The following SNX29 variants were observed in gnomAD, a reference collection of about 807,000 sequenced individuals.
SNX29 encodes the protein sorting nexin-29.
In SNX29, 78 loss-of-function variants were observed where a neutral mutation model predicts 102.1. The observed-to-expected ratio is 0.76, with a 90% CI of 0.64 to 0.92. The LOEUF (loss-of-function observed/expected upper bound fraction) is 0.92, where lower values mean the gene tolerates loss of function less well. Ranked by LOEUF, SNX29 falls within the 40% of genes least tolerant of loss-of-function variation. The pLI is 0.00. For synonymous variants in SNX29, 580 were observed against 414.5 expected (o/e 1.40, Z -4.85); for missense variants, 1,280 against 1,061.7 (o/e 1.21, Z -2.86).
At chr16:12,504,201 T>G (rs995855921) in intron 19 of SNX29, among the ~76,000 whole-genome samples, 2 of 152,224 alleles carry the variant, frequency 1.3e-5, no homozygotes, top group African/African-American at 4.8e-5. Flanking sequence ...TTTTCAAGGG[T>G]CTGTCCTGTT....
At chr16:12,442,993 A>G (rs1210071204) in intron 18 of SNX29, 1 of 455,656 alleles carries the variant, frequency 2.2e-6, no homozygotes, top group Non-Finnish European at 4.4e-6. Context: ...ATTTTTTTCC[A>G]GCTATTTAAA....
At position 12,572,467 on chromosome 16, in the gene SNX29, C is replaced by T. The variant is rs1384275203; in HGVS notation, c.*3838C>T. The T allele has an allele frequency of 8.5e-6, 9 of 1,063,646 alleles. No individual in the cohort carries two copies. Among genetic ancestry groups the T allele is most frequent in the Non-Finnish European group, 8.0e-6 (7 of 878,328 alleles). 65.9% of individuals were successfully genotyped at this position (1,063,646 alleles called of 1,614,324 possible). A position where few individuals can be genotyped will look rare whatever the true frequency, so the allele number is the denominator to read the frequency against. The stretch of plus-strand genomic sequence containing the variant: ...GTTCTGCATGGTACATTTTGCCAAC[C>T]CTGAGGACCAGTTCTTGGGGTTCCA... On this transcript the variant is annotated 3_prime_UTR_variant, in exon 21 of 21. Coordinates refer to ENST00000566228, the MANE Select transcript of SNX29 (RefSeq NM_032167.5).
chr16:12,431,240 G>GGGGGAAGA (rs1326601052), intron 18 of SNX29, among the ~76,000 whole-genome samples: 13 of 152,110 alleles, frequency 8.5e-5, no homozygotes, highest in African/African-American at 3.1e-4. Context: ...TCTGGGCAAA[G>GGGGGAAGA]GGGGAAGAGG....
At chr16:12,248,508 G>T (rs2078327562) in intron 14 of SNX29, among the ~76,000 whole-genome samples, 1 of 151,524 alleles carries the variant, frequency 6.6e-6, no homozygotes. Flanking sequence ...TGATTCTCCT[G>T]CCTCAGCCTC....
intron 11 of SNX29, among the ~76,000 whole-genome samples, chr16:12,116,903 A>G (rs1241030177): frequency 6.6e-6 from 1 of 152,226 alleles, no homozygotes; most frequent in Non-Finnish European, 1.5e-5. Flanking sequence ...CGAACCGTGG[A>G]AACAGGCACG....
At chr16:12,554,256 C>A in intron 20 of SNX29, among the ~76,000 whole-genome samples, 1 of 152,178 alleles carries the variant, frequency 6.6e-6, no homozygotes, top group East Asian at 1.9e-4. Flanking sequence ...ATCGTCTCTG[C>A]CTTTTGGTGC....
intron 20 of SNX29, among the ~76,000 whole-genome samples, chr16:12,549,852 G>A (rs1039845709): frequency 1.3e-5 from 2 of 152,264 alleles, no homozygotes; most frequent in East Asian, 1.9e-4. Context: ...CCGCATGACT[G>A]TGGTGAAACA....
intron 3 of SNX29, among the ~76,000 whole-genome samples, chr16:12,021,360 A>C (rs1311426002): frequency 6.6e-6 from 1 of 151,998 alleles, no homozygotes; most frequent in Non-Finnish European, 1.5e-5. Context: ...CAGGAGACAG[A>C]GGTTGCAGTG....
intron 14 of SNX29, among the ~76,000 whole-genome samples, chr16:12,259,893 C>G (rs1231020545): frequency 6.6e-6 from 1 of 151,650 alleles, no homozygotes; most frequent in African/African-American, 2.4e-5. Context: ...GCTCAGATCA[C>G]CGCCACATCC....
chr16:12,011,704 T>C (rs1346268131), intron 3 of SNX29, among the ~76,000 whole-genome samples: 3 of 152,114 alleles, frequency 2.0e-5, no homozygotes, highest in Non-Finnish European at 4.4e-5. Flanking sequence ...AACCTGACAG[T>C]GGAGAGAGGT....
intron 14 of SNX29, among the ~76,000 whole-genome samples, chr16:12,236,941 G>A (rs573794842): frequency 1.3e-5 from 2 of 152,328 alleles, no homozygotes; most frequent in African/African-American, 4.8e-5. Context: ...GGAGAAAGCC[G>A]GGTGGGGAGT....
chr16:12,108,551 C>G (rs1435888061), intron 11 of SNX29, among the ~76,000 whole-genome samples: 3 of 152,150 alleles, frequency 2.0e-5, no homozygotes, highest in Non-Finnish European at 4.4e-5. Flanking sequence ...TGTTGGGTGA[C>G]TACTATATCT....
chr16:12,050,170 C>T (rs2050244925), intron 7 of SNX29, among the ~76,000 whole-genome samples: 1 of 152,104 alleles, frequency 6.6e-6, no homozygotes, highest in African/African-American at 2.4e-5. Context: ...AGTAGAAGTT[C>T]CACCCATTTT....
At chr16:12,172,836 C>T (rs897718979) in intron 13 of SNX29, among the ~76,000 whole-genome samples, 6 of 152,136 alleles carry the variant, frequency 3.9e-5, no homozygotes, top group African/African-American at 1.4e-4. Context: ...AGGGGTCAGT[C>T]AGTGTTCTAT....
At chr16:12,256,649 G>C (rs2089251) in intron 14 of SNX29, among the ~76,000 whole-genome samples, 86,062 of 152,010 alleles carry the variant, frequency 0.57, 24,728 homozygotes, top group Middle Eastern at 0.62. Context: ...TTTTTGAAGA[G>C]AGACAATCAG....
intron 18 of SNX29, among the ~76,000 whole-genome samples, chr16:12,476,417 T>TATATATATATATATAC (rs2087635330): frequency 2.1e-4 from 5 of 23,954 alleles, no homozygotes; most frequent in African/African-American, 8.7e-4. Context: ...TATATACATA[T>TATATATATATATATAC]ATATATATAT....
intron 19 of SNX29, among the ~76,000 whole-genome samples, chr16:12,492,400 G>C (rs2088596660): frequency 6.6e-6 from 1 of 152,048 alleles, no homozygotes; most frequent in African/African-American, 2.4e-5. Context: ...TTGTAAATTT[G>C]TTTGAGTTCA....
At chr16:12,058,851 G>GTA (rs2050643185) in intron 8 of SNX29, among the ~76,000 whole-genome samples, 1 of 143,582 alleles carries the variant, frequency 7.0e-6, no homozygotes, top group Non-Finnish European at 1.5e-5. Context: ...GGAGGAAGTG[G>GTA]TATGATCTCA....
chr16:12,564,257 G>A (rs912030087), intron 20 of SNX29, among the ~76,000 whole-genome samples: 3 of 152,146 alleles, frequency 2.0e-5, no homozygotes, highest in African/African-American at 7.2e-5. Context: ...AGTTCCTTTG[G>A]TATATTAGAT....
Sources: allele counts gnomAD v4.1 joint callset (sites outside exome capture counted in the v4.1 genomes callset), GRCh38; gene constraint gnomAD v4.1.1; transcripts MANE v1.5; gene names NCBI Gene and HGNC (gene_info 2026-07-23, HGNC 2026-07-21).